The following LNPK variants were observed in gnomAD, a reference collection of about 807,000 sequenced individuals.
LNPK encodes the protein endoplasmic reticulum junction formation protein lunapark.
In LNPK, 29 loss-of-function variants were observed where a neutral mutation model predicts 55.2. The observed-to-expected ratio is 0.53, with a 90% CI of 0.39 to 0.72. The LOEUF is 0.72. Ranked by LOEUF, LNPK falls within the 30% of genes least tolerant of loss-of-function variation. LNPK has a pLI of 0.00. For missense variants in LNPK, 467 were observed against 494.8 expected, an observed-to-expected ratio of 0.94 and a Z score of 0.53; for synonymous variants, 162 against 168.2, an observed-to-expected ratio of 0.96 and a Z score of 0.29.
At chr2:175,945,796 C>T (rs1410205835) in intron 9 of LNPK, among the ~76,000 whole-genome samples, 1 of 152,134 alleles carries the variant, frequency 6.6e-6, no homozygotes, top group African/African-American at 2.4e-5. Flanking sequence ...ACCTCTTGCA[C>T]ATGCACCTTT....
chr2:175,979,881 C>G lies in LNPK; in HGVS notation c.258-13G>C. The stretch of plus-strand genomic sequence containing the variant: ...TATGCTCCAGATGCTAAAAGGGAAG[C>G]AAAATTCAGAAACAAAAAACATCAT... On this transcript the variant is annotated splice_polypyrimidine_tract_variant and intron_variant, in intron 4 of 12. Coordinates refer to ENST00000272748, the MANE Select transcript of LNPK (RefSeq NM_030650.3). 2.6e-6 allele frequency: 4 copies of G among 1,557,200 alleles called. No homozygotes were observed. Among genetic ancestry groups the G allele is most frequent in the Non-Finnish European group, 3.5e-6 (4 of 1,156,142 alleles).
At position 175,926,700 on chromosome 2, in the gene LNPK, CA is replaced by C. The variant is rs1559014964; in HGVS notation, c.*3266del. 1 of 152,106 alleles carries C rather than the reference CA, an allele frequency of 6.6e-6. No individual in the cohort carries two copies. Among genetic ancestry groups the C allele is most frequent in the East Asian group, 1.9e-4 (1 of 5,198 alleles). 9.4% of individuals were successfully genotyped at this position (152,106 alleles called of 1,614,324 possible). A position where few individuals can be genotyped will look rare whatever the true frequency, so the allele number is the denominator to read the frequency against. Reference sequence around the variant, plus strand: ...ACAGAATAAGAATGCAAATGTTTATCATCATTATTAATGCAATGTGAACAGA... The same window carrying C: ...ACAGAATAAGAATGCAAATGTTTATCTCATTATTAATGCAATGTGAACAGA... On this transcript the variant is annotated 3_prime_UTR_variant, in exon 13 of 13. Transcript: ENST00000272748.
chr2:175,975,476 T>C (rs555607178), intron 5 of LNPK, among the ~76,000 whole-genome samples: 8 of 152,322 alleles, frequency 5.3e-5, no homozygotes, highest in East Asian at 1.9e-4. Context: ...TGTGGGTACA[T>C]AGTGGCCGTA....
intron 6 of LNPK, among the ~76,000 whole-genome samples, chr2:175,968,605 A>G (rs1040782792): frequency 6.6e-6 from 1 of 152,170 alleles, no homozygotes; most frequent in African/African-American, 2.4e-5. Context: ...TTAGATAACT[A>G]AAGATTACTT....
At chr2:175,991,763 C>T (rs532416445) in intron 4 of LNPK, among the ~76,000 whole-genome samples, 1 of 152,264 alleles carries the variant, frequency 6.6e-6, no homozygotes, top group Admixed American at 6.5e-5. Flanking sequence ...GATACGCCTC[C>T]TATACAGTGC....
chr2:175,994,764 C>T (rs1687856048), intron 2 of LNPK, among the ~76,000 whole-genome samples: 1 of 152,040 alleles, frequency 6.6e-6, no homozygotes, highest in African/African-American at 2.4e-5. Flanking sequence ...GAGATACTTC[C>T]TCTAAAAGCT....
At chr2:175,995,445 G>A (rs1210074105) in intron 2 of LNPK, 113 bp downstream of exon 2, 6 of 691,908 alleles carry the variant, frequency 8.7e-6, no homozygotes. Context: ...AAAAAGTTAA[G>A]GAAAATAGCA....
chr2:175,994,440 T>TATA (rs1687840999), intron 2 of LNPK, among the ~76,000 whole-genome samples: 4 of 152,194 alleles, frequency 2.6e-5, no homozygotes, highest in Non-Finnish European at 5.9e-5. Flanking sequence ...TCTATTATTA[T>TATA]GGTAATAAGG....
chr2:175,985,798 A>G (rs1687380136), intron 4 of LNPK, among the ~76,000 whole-genome samples: 3 of 152,244 alleles, frequency 2.0e-5, no homozygotes, highest in Non-Finnish European at 4.4e-5. Flanking sequence ...CTATACTGCA[A>G]TAAAAGTTAT....
In LNPK at chr2:175,942,568, C is replaced by T. The variant is rs569229070; in HGVS notation, c.707-2911G>A. On this transcript the variant is annotated intron_variant, in intron 9 of 12. Coordinates refer to ENST00000272748, the MANE Select transcript of LNPK (RefSeq NM_030650.3). ...CTCCAAATATTTGGTGACTAAATAA[C>T]ATACATTTGAATAACCCAGGATTCA... 6.6e-5 allele frequency among the ~76,000 whole-genome samples: 10 copies of T among 151,864 alleles called. No individual in the cohort carries two copies. The South Asian group carries it at 2.1e-3, about 32-fold the overall frequency.
chr2:175,982,117 C>A (rs1349714471), intron 4 of LNPK, among the ~76,000 whole-genome samples: 1 of 152,066 alleles, frequency 6.6e-6, no homozygotes, highest in Non-Finnish European at 1.5e-5. Flanking sequence ...GCATAATGCC[C>A]ATAACCCTCA....
intron 1 of LNPK, among the ~76,000 whole-genome samples, chr2:175,996,208 T>C (rs1238729837): frequency 6.6e-6 from 1 of 152,214 alleles, no homozygotes; most frequent in African/African-American, 2.4e-5. Context: ...AGTTTAGAAA[T>C]GTATATTCTT....
At chr2:175,950,813 C>T (rs181417675) in intron 8 of LNPK, among the ~76,000 whole-genome samples, 1 of 152,072 alleles carries the variant, frequency 6.6e-6, no homozygotes, top group East Asian at 1.9e-4. Flanking sequence ...AAAGCACATG[C>T]GAAGTACTTA....
rs1685169583 is a variant in LNPK, at chr2:175,947,114, C to CA, written c.706+365dup. Among the ~76,000 whole-genome samples, 10 of 152,006 alleles carry CA rather than the reference C, an allele frequency of 6.6e-5. 2 individuals carry two copies. Among genetic ancestry groups the CA allele is most frequent in the Admixed American group, 6.6e-4 (10 of 15,260 alleles). ...TTAAAAATATATGTATGGAGTTGAGCAAAAAACATCAATACATTCCAAAAG... is the reference window on the plus strand; with the variant it reads ...TTAAAAATATATGTATGGAGTTGAGCAAAAAAACATCAATACATTCCAAAAG... On this transcript the variant is annotated intron_variant, in intron 9 of 12. Coordinates refer to ENST00000272748, the MANE Select transcript of LNPK (RefSeq NM_030650.3).
intron 11 of LNPK, chr2:175,937,815 G>C (rs1684627304): frequency 1.4e-5 from 3 of 212,910 alleles, no homozygotes; most frequent in South Asian, 1.5e-4. Context: ...TGATTTAAAT[G>C]AATTAGTGAG....
intron 5 of LNPK, among the ~76,000 whole-genome samples, chr2:175,972,914 C>T (rs1477261827): frequency 6.6e-6 from 1 of 152,128 alleles, no homozygotes; most frequent in Non-Finnish European, 1.5e-5. Flanking sequence ...TTTAGAAACA[C>T]AGAAATTTCC....
intron 5 of LNPK, among the ~76,000 whole-genome samples, chr2:175,973,182 A>G (rs906153851): frequency 6.6e-6 from 1 of 152,216 alleles, no homozygotes; most frequent in Non-Finnish European, 1.5e-5. Flanking sequence ...AGGCTGTAGC[A>G]AAAGCTAATT....
Position 175,927,868 on chromosome 2 carries a change from C to T in LNPK, c.*2099G>A, listed in dbSNP as rs1432377777. Reference sequence around the variant, plus strand: ...TACCTATCGCATTAATTTTACTAATCCCCTTTTAACCTTCCTCCATATTTC... The same window carrying T: ...TACCTATCGCATTAATTTTACTAATTCCCTTTTAACCTTCCTCCATATTTC... On this transcript the variant is annotated 3_prime_UTR_variant, in exon 13 of 13. Coordinates refer to ENST00000272748, the MANE Select transcript of LNPK (RefSeq NM_030650.3). The T allele has an allele frequency of 6.6e-6, 1 of 152,058 alleles. No homozygotes were observed. The highest frequency in any genetic ancestry group is 2.1e-4 in the South Asian group (1 of 4,830). 9.4% of individuals were successfully genotyped at this position (152,058 alleles called of 1,614,324 possible).
intron 4 of LNPK, among the ~76,000 whole-genome samples, chr2:175,981,958 T>A (rs748864480): frequency 3.3e-4 from 50 of 152,326 alleles, no homozygotes; most frequent in Non-Finnish European, 6.3e-4. Context: ...CACTTTTTTT[T>A]AATATTGTGA....
Sources: allele counts gnomAD v4.1 joint callset (sites outside exome capture counted in the v4.1 genomes callset), GRCh38; gene constraint gnomAD v4.1.1; transcripts MANE v1.5; gene names NCBI Gene and HGNC (gene_info 2026-07-23, HGNC 2026-07-21).